Variants in FAM193A observed in about 807,000 individuals in gnomAD.
FAM193A encodes family with sequence similarity 193 member A.
A neutral mutation model predicts 126.5 loss-of-function variants in FAM193A; 22 were observed. The observed-to-expected ratio is 0.17, with a 90% CI of 0.12 to 0.25. FAM193A has a LOEUF of 0.25. FAM193A is among the 10% of genes least tolerant of loss of function. The pLI is 1.00. For missense variants in FAM193A, 1,675 were observed against 1,672.8 expected (o/e 1.00, Z -0.02); for synonymous variants, 761 against 646.8 (o/e 1.18, Z -2.68).
At chr4:2,688,188 C>T (rs964938849) in intron 13 of FAM193A, among the ~76,000 whole-genome samples, 7 of 152,116 alleles carry the variant, frequency 4.6e-5, no homozygotes, top group Non-Finnish European at 7.3e-5. Flanking sequence ...ACCCAGATGT[C>T]CCACCTCATC....
intron 1 of FAM193A, among the ~76,000 whole-genome samples, chr4:2,539,246 A>G (rs1259269506): frequency 6.6e-6 from 1 of 152,128 alleles, no homozygotes; most frequent in African/African-American, 2.4e-5. Flanking sequence ...TATGCCTATT[A>G]TTATTAAGAT....
chr4:2,621,817 A>C (rs914905862), intron 2 of FAM193A, among the ~76,000 whole-genome samples: 3 of 152,074 alleles, frequency 2.0e-5, no homozygotes, highest in African/African-American at 7.2e-5. Flanking sequence ...GTTGAAGGGA[A>C]CGGACTCGCT....
chr4:2,724,701 C>T (rs992021395), intron 20 of FAM193A, among the ~76,000 whole-genome samples: 2 of 152,038 alleles, frequency 1.3e-5, no homozygotes, highest in Non-Finnish European at 2.9e-5. Context: ...TAGAGTGAGA[C>T]CCTGTCTCAA....
At chr4:2,634,399 C>A (rs928823049) in intron 5 of FAM193A, among the ~76,000 whole-genome samples, 1 of 152,082 alleles carries the variant, frequency 6.6e-6, no homozygotes, top group Non-Finnish European at 1.5e-5. Flanking sequence ...TAAAATCCCC[C>A]CAAATGAGCA....
intron 2 of FAM193A, among the ~76,000 whole-genome samples, chr4:2,604,558 A>G (rs906436030): frequency 3.3e-5 from 5 of 152,144 alleles, no homozygotes; most frequent in Non-Finnish European, 2.9e-5. Context: ...TTGGCGTATC[A>G]TTCCTGTTAC....
intron 6 of FAM193A, 86 bp downstream of exon 6, chr4:2,639,945 T>G: frequency 1.5e-6 from 2 of 1,319,152 alleles, no homozygotes; most frequent in Admixed American, 4.7e-5. Flanking sequence ...CGAGTACCAC[T>G]GAGTATGAAA....
chr4:2,705,641 G>A (rs1718218007), intron 19 of FAM193A, among the ~76,000 whole-genome samples: 1 of 151,998 alleles, frequency 6.6e-6, no homozygotes, highest in East Asian at 1.9e-4. Context: ...CCAGGCTAGA[G>A]TGTGGTGGTG....
chr4:2,631,951 A>G (rs571832977), intron 5 of FAM193A, among the ~76,000 whole-genome samples: 1 of 152,270 alleles, frequency 6.6e-6, no homozygotes, highest in Non-Finnish European at 1.5e-5. Flanking sequence ...CTTAAACTTT[A>G]TTATTAAATA....
At chr4:2,611,332 A>C (rs144096073) in intron 2 of FAM193A, among the ~76,000 whole-genome samples, 4,569 of 150,932 alleles carry the variant, frequency 0.03, 241 homozygotes, top group African/African-American at 0.1. Flanking sequence ...GCAGTGGCTC[A>C]ATCTCGGCTC....
chr4:2,702,358 G>A (rs1202427361), intron 19 of FAM193A, among the ~76,000 whole-genome samples: 1 of 152,166 alleles, frequency 6.6e-6, no homozygotes, highest in Non-Finnish European at 1.5e-5. Flanking sequence ...TTTGTGTCAT[G>A]GTTCGATGCT....
chr4:2,632,937 G>A (rs1743739512), intron 5 of FAM193A, among the ~76,000 whole-genome samples: 1 of 152,232 alleles, frequency 6.6e-6, no homozygotes, highest in Non-Finnish European at 1.5e-5. Context: ...TGCCCAGAGA[G>A]ACTCTGGTAG....
chr4:2,633,195 C>T (rs1328330276), intron 5 of FAM193A, among the ~76,000 whole-genome samples: 1 of 151,082 alleles, frequency 6.6e-6, no homozygotes, highest in East Asian at 2.0e-4. Context: ...GTCAGGAGTT[C>T]AAGACCAGCC....
chr4:2,707,146 G>T (rs560661139), intron 19 of FAM193A, among the ~76,000 whole-genome samples: 38 of 152,056 alleles, frequency 2.5e-4, no homozygotes, highest in Admixed American at 2.0e-3. Context: ...AAAGTTGTTG[G>T]TATCTTTGTC....
chr4:2,722,953 G>T (rs1209415474), intron 20 of FAM193A, among the ~76,000 whole-genome samples: 2 of 152,116 alleles, frequency 1.3e-5, no homozygotes, highest in African/African-American at 4.8e-5. Flanking sequence ...CACCACACCT[G>T]GTCCAGTGTT....
chr4:2,620,490 A>T (rs1026633378), intron 2 of FAM193A, among the ~76,000 whole-genome samples: 1 of 152,192 alleles, frequency 6.6e-6, no homozygotes, highest in African/African-American at 2.4e-5. Flanking sequence ...TTGATGGGTA[A>T]GCTAGAGCTC....
At chr4:2,642,134 CAA>C (rs35799531) in intron 6 of FAM193A, among the ~76,000 whole-genome samples, 33,265 of 85,894 alleles carry the variant, frequency 0.39, 4,455 homozygotes, top group Middle Eastern at 0.56. Flanking sequence ...ACTAAAAATA[CAA>C]AAAAAAAAAA....
rs567004989 is a variant in FAM193A at position 2,577,427 on chromosome 4, T to G, written c.256-18657T>G. On this transcript the variant is annotated intron_variant, in intron 1 of 20. Coordinates refer to ENST00000637812, the MANE Select transcript of FAM193A (RefSeq NM_001366318.2). The stretch of plus-strand genomic sequence containing the variant: ...ATTAAAGTGGTTTTTTTTTTGTTTT[T>G]TTTTTTTTTGAGACAGAGTCTCAGT... 3.4e-5 allele frequency among the ~76,000 whole-genome samples: 5 copies of G among 146,698 alleles called. No homozygotes were observed. The East Asian group carries it at 9.9e-4, about 29-fold the overall frequency.
At chr4:2,572,923 C>CA (rs1254125966) in intron 1 of FAM193A, among the ~76,000 whole-genome samples, 4 of 151,652 alleles carry the variant, frequency 2.6e-5, no homozygotes, top group Admixed American at 6.6e-5. Flanking sequence ...ATGGGTTGAA[C>CA]GTAGCAGGAT....
At position 2,663,234 on chromosome 4, in the gene FAM193A, C is replaced by T. The variant is rs267600135; in HGVS notation, c.2025C>T (p.Pro675=). Residue 675 remains proline (P), a synonymous_variant, in exon 12 of 21, where the codon CCC becomes CCT. Coordinates refer to ENST00000637812, the MANE Select transcript of FAM193A (RefSeq NM_001366318.2). The part of the protein sequence containing the change: ...KEDGVLGSRS[P]RTEESKADSP... ...ATGGAGTGCTGGGAAGCAGGAGCCCCAGGACAGAGGAGAGCAAAGCAGACA... is the reference window on the plus strand; with the variant it reads ...ATGGAGTGCTGGGAAGCAGGAGCCCTAGGACAGAGGAGAGCAAAGCAGACA... The T allele has an allele frequency of 2.5e-6, 4 of 1,613,966 alleles. No individual in the cohort carries two copies. The South Asian group carries it at 4.4e-5, about 18-fold the overall frequency.
Sources: allele counts gnomAD v4.1 joint callset (sites outside exome capture counted in the v4.1 genomes callset), GRCh38; gene constraint gnomAD v4.1.1; transcripts MANE v1.5; gene names NCBI Gene and HGNC (gene_info 2026-07-23, HGNC 2026-07-21).